The following CTNNA3 variants were observed in gnomAD, a reference collection of about 807,000 sequenced individuals.
The protein encoded by CTNNA3 is catenin alpha 3.
CTNNA3 carries 76 observed loss-of-function variants against 95.7 expected under a neutral mutation model. The observed-to-expected ratio is 0.79, with a 90% confidence interval of 0.66 to 0.96. CTNNA3 has a LOEUF of 0.96. Ranked by LOEUF, CTNNA3 falls within the 40% of genes least tolerant of loss-of-function variation. The pLI is 0.00. For synonymous variants in CTNNA3, 431 were observed against 374.4 expected (o/e 1.15, Z -1.74); for missense variants, 1,191 against 1,089.8 (o/e 1.09, Z -1.31).
chr10:66,766,715 TTG>T (rs1242291655), intron 8 of CTNNA3, among the ~76,000 whole-genome samples: 1 of 152,208 alleles, frequency 6.6e-6, no homozygotes, highest in Non-Finnish European at 1.5e-5. Context: ...CTCAAAGAAA[TTG>T]TGTTATTAGA....
At chr10:67,005,682 C>CTTTTTTTTTTTTTTT (rs11369576) in intron 7 of CTNNA3, among the ~76,000 whole-genome samples, 5,968 of 61,682 alleles carry the variant, frequency 0.097, 1,953 homozygotes, top group Middle Eastern at 0.13. Flanking sequence ...TTTACTCCAT[C>CTTTTTTTTTTTTTTT]TTTTTTTTTT....
intron 2 of CTNNA3, among the ~76,000 whole-genome samples, chr10:67,609,486 C>T (rs769125679): frequency 2.0e-5 from 3 of 152,024 alleles, no homozygotes; most frequent in Non-Finnish European, 2.9e-5. Flanking sequence ...GGGAAATATG[C>T]GGATGAAAAT....
intron 9 of CTNNA3, among the ~76,000 whole-genome samples, chr10:66,741,856 A>G (rs766853613): frequency 1.1e-4 from 17 of 152,168 alleles, no homozygotes; most frequent in Admixed American, 2.0e-4. Flanking sequence ...GTGATTTCCT[A>G]TGCCTGTCTT....
At chr10:66,299,391 A>AT in intron 12 of CTNNA3, among the ~76,000 whole-genome samples, 1 of 152,312 alleles carries the variant, frequency 6.6e-6, no homozygotes, top group Admixed American at 6.5e-5. Flanking sequence ...TAGAAGAATA[A>AT]TTTTTTTAAA....
intron 9 of CTNNA3, among the ~76,000 whole-genome samples, chr10:66,764,693 G>A (rs1189754560): frequency 6.6e-6 from 1 of 152,074 alleles, no homozygotes; most frequent in Non-Finnish European, 1.5e-5. Context: ...TGACTGTCAG[G>A]GACTGTGCTT....
In CTNNA3 at chr10:66,608,676, A is replaced by T. The variant is rs562821436; in HGVS notation, c.1374+13016T>A. On this transcript the variant is annotated intron_variant, in intron 10 of 17. Transcript: ENST00000433211. ...ATCTTCAAAAAAAAACTGACAAAAA[A>T]CAAGCAATGGGAAAGGATTCCCTGT... 2.2e-4 allele frequency among the ~76,000 whole-genome samples: 34 copies of T among 152,300 alleles called. No individual in the cohort carries two copies. The East Asian group carries it at 5.8e-3, about 26-fold the overall frequency.
intron 11 of CTNNA3, among the ~76,000 whole-genome samples, chr10:66,380,404 G>T (rs566880545): frequency 5.9e-5 from 9 of 152,108 alleles, no homozygotes; most frequent in African/African-American, 2.2e-4. Flanking sequence ...GGGGCCAGAA[G>T]TTCAAGACCA....
chr10:66,351,869 C>T (rs1237069213), intron 12 of CTNNA3, among the ~76,000 whole-genome samples: 2 of 152,018 alleles, frequency 1.3e-5, no homozygotes, highest in East Asian at 3.9e-4. Flanking sequence ...ACAAATAACA[C>T]AAATGTAGTT....
intron 5 of CTNNA3, among the ~76,000 whole-genome samples, chr10:67,239,974 C>T (rs745559988): frequency 6.6e-6 from 1 of 152,118 alleles, no homozygotes; most frequent in Non-Finnish European, 1.5e-5. Context: ...TTCCATGAAC[C>T]GTTGGACAAA....
chr10:66,113,792 A>G (rs2082207254), intron 13 of CTNNA3, among the ~76,000 whole-genome samples: 2 of 152,202 alleles, frequency 1.3e-5, no homozygotes, highest in South Asian at 4.1e-4. Flanking sequence ...TAGATTGTTA[A>G]CTTCTCAGGA....
chr10:66,652,991 A>G (rs1163264519), intron 9 of CTNNA3, among the ~76,000 whole-genome samples: 1 of 152,166 alleles, frequency 6.6e-6, no homozygotes, highest in African/African-American at 2.4e-5. Flanking sequence ...ATACCTTAAC[A>G]CAGTAAATTC....
chr10:65,946,481 G>A lies in CTNNA3; in HGVS notation c.2400+20131C>T, dbSNP rs140718240. Among the ~76,000 whole-genome samples the A allele has an allele frequency of 7.9e-3, 1,207 of 152,070 alleles. 18 individuals are homozygous for A. The highest frequency in any genetic ancestry group is 0.028 in the African/African-American group (1,158 of 41,476). ...ATATACAAGCATATGCTAGCAAAGC[G>A]TTAGTTATTATCTGGATCTCTACTT... On this transcript the variant is annotated intron_variant, in intron 17 of 17. Transcript: ENST00000433211.
intron 5 of CTNNA3, among the ~76,000 whole-genome samples, chr10:67,289,797 TGATGGATGG>T (rs1404548415): frequency 7.2e-6 from 1 of 139,000 alleles, no homozygotes; most frequent in African/African-American, 3.4e-5. Flanking sequence ...GATGGATGGT[TGATGGATGG>T]ATTTATTTAT....
chr10:66,621,630 T>C (rs1456290649), intron 10 of CTNNA3, 62 bp downstream of exon 10: 1 of 920,984 alleles, frequency 1.1e-6, no homozygotes, highest in Non-Finnish European at 1.7e-6. Context: ...TATTTTCATA[T>C]GCATAAAAGC....
chr10:66,462,498 A>G (rs960723524), intron 11 of CTNNA3, among the ~76,000 whole-genome samples: 1 of 152,066 alleles, frequency 6.6e-6, no homozygotes, highest in Non-Finnish European at 1.5e-5. Context: ...GCATTCCTTC[A>G]TCTTCTTCCT....
intron 1 of CTNNA3, among the ~76,000 whole-genome samples, chr10:67,707,734 C>A (rs769898223): frequency 6.6e-6 from 1 of 152,058 alleles, no homozygotes; most frequent in Admixed American, 6.6e-5. Flanking sequence ...AGGGATAGCT[C>A]CAGGAGGAGG....
intron 1 of CTNNA3, among the ~76,000 whole-genome samples, chr10:67,669,646 T>C (rs549550572): frequency 9.1e-4 from 138 of 152,332 alleles, no homozygotes; most frequent in African/African-American, 3.2e-3. Context: ...TAGAATATAA[T>C]GGAATGCTAA....
intron 14 of CTNNA3, chr10:66,078,813 T>C (rs1487344424): frequency 1.3e-5 from 2 of 151,916 alleles, no homozygotes; most frequent in East Asian, 1.9e-4. Flanking sequence ...AACAGTTCAA[T>C]AAATAAATAT....
chr10:67,294,550 T>G (rs533981050), intron 5 of CTNNA3, among the ~76,000 whole-genome samples: 1 of 152,228 alleles, frequency 6.6e-6, no homozygotes, highest in East Asian at 1.9e-4. Flanking sequence ...TACAAAGCTA[T>G]GTATATTGTC....
Sources: gnomAD v4.1 joint callset for allele counts (sites outside exome capture counted in the v4.1 genomes callset) on GRCh38, gnomAD v4.1.1 for gene constraint, MANE v1.5 for transcripts, NCBI Gene and HGNC (gene_info 2026-07-23, HGNC 2026-07-21) for gene names.